The following PRH1 variants were observed in gnomAD, a reference collection of about 807,000 sequenced individuals.
The protein encoded by PRH1 is proline rich protein HaeIII subfamily 1, also known as salivary acidic proline-rich phosphoprotein 1/2.
PRH1 carries 7 observed loss-of-function variants against 7.9 expected under a neutral mutation model. The observed-to-expected ratio is 0.89, with a 90% CI of 0.50 to 1.67. The LOEUF (loss-of-function observed/expected upper bound fraction) is 1.67, where lower values mean the gene tolerates loss of function less well. Ranked by LOEUF, PRH1 falls within the 40% of genes most tolerant of loss-of-function variation. The probability of loss-of-function intolerance (pLI) is 0.00; values close to 1 mark genes in which losing one functional copy is unlikely to be tolerated. For missense variants in PRH1, 109 were observed against 223.6 expected (o/e 0.49, Z 3.27); for synonymous variants, 45 against 80.8 (o/e 0.56, Z 2.38).
At chr12:11,089,900 TG>T (rs1944823528) in intron 1 of PRH1, among the ~76,000 whole-genome samples, 1 of 97,084 alleles carries the variant, frequency 1.0e-5, no homozygotes, top group African/African-American at 3.2e-5. Context: ...CCTAAAATTG[TG>T]GAATAGCCAA....
intron 1 of PRH1, among the ~76,000 whole-genome samples, chr12:11,040,557 G>A (rs1347674837): frequency 6.6e-6 from 1 of 152,152 alleles, no homozygotes; most frequent in African/African-American, 2.4e-5. Context: ...ACACACCTGG[G>A]CCTTTTGGAG....
intron 1 of PRH1, among the ~76,000 whole-genome samples, chr12:11,094,100 G>A (rs2096738571): frequency 8.9e-6 from 1 of 112,130 alleles, no homozygotes; most frequent in African/African-American, 3.0e-5. Context: ...TCAAGAGATG[G>A]AGACCATCCT....
At position 11,072,078 on chromosome 12, in the gene PRH1, C is replaced by T. The variant is rs1360483026; in HGVS notation, n.124-24890G>A. Among the ~76,000 whole-genome samples the T allele has an allele frequency of 4.6e-5, 7 of 152,254 alleles. No homozygotes were observed. In the East Asian group the frequency reaches 1.4e-3, roughly 29 times the overall value. ...TTGTTTTCAGGTTCAAGGGAGTATC[C>T]TGCCTCATCCTTCTGTGTAACTGGG... On this transcript the variant is annotated intron_variant and non_coding_transcript_variant, in intron 1 of 4. Coordinates refer to the PRH1 transcript ENST00000541977.
chr12:11,133,145 C>CTA (rs1459367424), intron 1 of PRH1: 263 of 902,704 alleles, frequency 2.9e-4, no homozygotes, highest in Non-Finnish European at 3.7e-4. Context: ...ACACACACAT[C>CTA]TATATATATG....
At chr12:10,894,562 T>C (rs567686739) in intron 2 of PRH1, among the ~76,000 whole-genome samples, 3 of 152,282 alleles carry the variant, frequency 2.0e-5, no homozygotes, top group South Asian at 2.1e-4. Context: ...TTTGTACATA[T>C]AAATCTGATT....
intron 1 of PRH1, among the ~76,000 whole-genome samples, chr12:11,070,981 T>C (rs115100363): frequency 0.11 from 2,070 of 19,066 alleles, 53 homozygotes; most frequent in African/African-American, 0.12. Context: ...GAATGAATTA[T>C]GATTTTTATT....
At chr12:11,012,147 T>C (rs943845444) in intron 1 of PRH1, among the ~76,000 whole-genome samples, 1 of 152,184 alleles carries the variant, frequency 6.6e-6, no homozygotes, top group South Asian at 2.1e-4. Context: ...CACTTCTCTG[T>C]ATGTGAATTT....
intron 1 of PRH1, among the ~76,000 whole-genome samples, chr12:11,108,479 A>C (rs373917471): frequency 6.6e-6 from 1 of 152,142 alleles, no homozygotes; most frequent in Admixed American, 6.5e-5. Flanking sequence ...GGCTCATCTC[A>C]CTGGGACTGG....
intron 2 of PRH1, among the ~76,000 whole-genome samples, chr12:10,905,669 G>A (rs1452430422): frequency 2.0e-5 from 3 of 149,736 alleles, no homozygotes; most frequent in South Asian, 2.1e-4. Flanking sequence ...CTGTCTCAAA[G>A]AAAAAAAAAT....
At chr12:11,036,824 T>C (rs1455258830) in intron 1 of PRH1, among the ~76,000 whole-genome samples, 1 of 152,220 alleles carries the variant, frequency 6.6e-6, no homozygotes, top group Admixed American at 6.5e-5. Flanking sequence ...ATGATATAGA[T>C]GAAGATATAG....
rs114494440 is a variant in PRH1 at position 11,108,872 on chromosome 12, T to A, written n.124-61684A>T. ...AAGCCAGGAAGCCAAGTTGTCTAGCTCAGTGGATCCCACCTCCTTGGAGCC... is the reference window on the plus strand; with the variant it reads ...AAGCCAGGAAGCCAAGTTGTCTAGCACAGTGGATCCCACCTCCTTGGAGCC... On this transcript the variant is annotated intron_variant and non_coding_transcript_variant, in intron 1 of 4. Coordinates refer to the PRH1 transcript ENST00000541977. Among the ~76,000 whole-genome samples, 1,051 of 152,294 alleles carry A rather than the reference T, an allele frequency of 6.9e-3. 16 individuals carry two copies. Among genetic ancestry groups the A allele is most frequent in the African/African-American group, 0.024 (1,017 of 41,572 alleles).
chr12:10,902,059 T>C (rs570131492), intron 2 of PRH1, among the ~76,000 whole-genome samples: 2 of 151,946 alleles, frequency 1.3e-5, no homozygotes, highest in South Asian at 4.2e-4. Context: ...ATTCAAAGTA[T>C]AGATTGCAAG....
rs139253542 is a variant in PRH1 at position 10,922,825 on chromosome 12, C to CTTTTTTTTTTTTTTTT, written c.-58-38551_-58-38550insAAAAAAAAAAAAAAAA. Among the ~76,000 whole-genome samples the CTTTTTTTTTTTTTTTT allele has an allele frequency of 3.8e-4, 43 of 113,566 alleles. 9 individuals carry two copies. Among genetic ancestry groups the CTTTTTTTTTTTTTTTT allele is most frequent in the East Asian group, 6.0e-4 (2 of 3,314 alleles). The allele number at this position is 113,566 out of a possible 152,430, so 74.5% of individuals were successfully genotyped here. ...ATTGCATCTTTTCCATGAATTTTTT[C>CTTTTTTTTTTTTTTTT]TTTTTCTTTTTTTTGAGACGGAGTC... On this transcript the variant is annotated intron_variant, in intron 2 of 3. Coordinates refer to the PRH1 transcript ENST00000539853.
At chr12:11,129,115 G>C (rs1382420261) in intron 1 of PRH1, among the ~76,000 whole-genome samples, 2 of 152,236 alleles carry the variant, frequency 1.3e-5, no homozygotes, top group Non-Finnish European at 2.9e-5. Flanking sequence ...TAGAGACGGA[G>C]TTTCCATATG....
At chr12:10,971,247 T>C (rs1938801456) in intron 2 of PRH1, among the ~76,000 whole-genome samples, 1 of 152,242 alleles carries the variant, frequency 6.6e-6, no homozygotes. Context: ...TGTTTCACTT[T>C]AGAGTTTTGT....
intron 2 of PRH1, among the ~76,000 whole-genome samples, chr12:10,971,441 G>T (rs561992583): frequency 1.9e-4 from 29 of 152,042 alleles, no homozygotes; most frequent in African/African-American, 6.8e-4. Flanking sequence ...TCTCTAGTTG[G>T]TTCATTTTGA....
At chr12:11,039,656 T>A (rs1426404045) in intron 1 of PRH1, among the ~76,000 whole-genome samples, 9 of 152,270 alleles carry the variant, frequency 5.9e-5, no homozygotes, top group Non-Finnish European at 1.2e-4. Context: ...AGTAGATTTA[T>A]ATTTTCAACG....
At chr12:10,974,631 A>G (rs999979655) in intron 1 of PRH1, among the ~76,000 whole-genome samples, 4 of 152,212 alleles carry the variant, frequency 2.6e-5, no homozygotes, top group African/African-American at 9.7e-5. Flanking sequence ...AAGAAAAAAA[A>G]AGAACCCATC....
chr12:10,909,381 A>G, intron 2 of PRH1: 1 of 932,348 alleles, frequency 1.1e-6, no homozygotes, highest in South Asian at 1.7e-5. Flanking sequence ...TTGAGTGTCC[A>G]GTGGAGTTCT....
Sources: allele counts gnomAD v4.1 joint callset (sites outside exome capture counted in the v4.1 genomes callset), GRCh38; gene constraint gnomAD v4.1.1; transcripts MANE v1.5; gene names NCBI Gene and HGNC (gene_info 2026-07-23, HGNC 2026-07-21).